Variants in PCP4 observed in about 807,000 individuals in gnomAD.
PCP4 encodes the protein calmodulin regulator protein PCP4.
Under a neutral mutation model 10.0 loss-of-function variants are expected in PCP4, and 8 were observed. The ratio of observed to expected loss-of-function variants is 0.80; its 90% confidence interval spans 0.47 to 1.45. The LOEUF (loss-of-function observed/expected upper bound fraction) is 1.45, where lower values mean the gene tolerates loss of function less well. Ranked by LOEUF, PCP4 falls within the 40% of genes most tolerant of loss-of-function variation. PCP4 has a pLI of 0.00. For synonymous variants in PCP4, 21 were observed against 23.0 expected (o/e 0.91, Z 0.24); for missense variants, 54 against 74.4 (o/e 0.73, Z 1.01).
At chr21:39,889,776 CA>C (rs2087420881) in intron 1 of PCP4, among the ~76,000 whole-genome samples, 1 of 152,040 alleles carries the variant, frequency 6.6e-6, no homozygotes, top group Non-Finnish European at 1.5e-5. Flanking sequence ...GGCATACATT[CA>C]GAAAAAAATA....
intron 2 of PCP4, among the ~76,000 whole-genome samples, chr21:39,923,194 C>T (rs1409692665): frequency 6.6e-6 from 1 of 152,210 alleles, no homozygotes; most frequent in East Asian, 1.9e-4. Context: ...AAGCCGTAGA[C>T]AAGTCAAATG....
intron 1 of PCP4, among the ~76,000 whole-genome samples, chr21:39,874,687 C>A (rs1438640762): frequency 7.2e-6 from 1 of 138,726 alleles, no homozygotes; most frequent in East Asian, 2.1e-4. Flanking sequence ...AAAAACAATA[C>A]AAGCATCTGT....
rs79326068 is a variant in PCP4, at chr21:39,929,159, C to G, written c.*48C>G. 2 of 1,570,612 alleles carry G rather than the reference C, an allele frequency of 1.3e-6. No homozygotes were observed. The highest frequency in any genetic ancestry group is 1.7e-6 in the Non-Finnish European group (2 of 1,154,868). Reference sequence around the variant, plus strand: ...ACCTGAAAACACCAAATTCAACCATCATCTGTCAAGAAATTAAAAGAACAA... The same window carrying G: ...ACCTGAAAACACCAAATTCAACCATGATCTGTCAAGAAATTAAAAGAACAA... On this transcript the variant is annotated 3_prime_UTR_variant, in exon 3 of 3. Coordinates refer to ENST00000328619, the MANE Select transcript of PCP4 (RefSeq NM_006198.3).
intron 2 of PCP4, among the ~76,000 whole-genome samples, chr21:39,911,645 G>A (rs552794644): frequency 6.6e-6 from 1 of 152,360 alleles, no homozygotes; most frequent in East Asian, 1.9e-4. Flanking sequence ...TCAGCCAGAG[G>A]TTGCCGGGAT....
In PCP4 at chr21:39,878,267, G is replaced by A. The variant is rs147348423; in HGVS notation, c.9+10757G>A. 2.4e-3 allele frequency among the ~76,000 whole-genome samples: 368 copies of A among 152,266 alleles called. 1 individual carries two copies. Among genetic ancestry groups the A allele is most frequent in the African/African-American group, 8.1e-3 (337 of 41,554 alleles). On this transcript the variant is annotated intron_variant, in intron 1 of 2. Transcript: ENST00000328619. Reference sequence around the variant, plus strand: ...AAGGAGAGGAAAGAAGATGCTAATGGGTAACCTTCCCAAAGCAGCCGGGGC... The same window carrying A: ...AAGGAGAGGAAAGAAGATGCTAATGAGTAACCTTCCCAAAGCAGCCGGGGC...
At chr21:39,902,722 A>T (rs1446167984) in intron 2 of PCP4, among the ~76,000 whole-genome samples, 3 of 152,178 alleles carry the variant, frequency 2.0e-5, no homozygotes, top group Non-Finnish European at 4.4e-5. Context: ...CAGAAATATT[A>T]GGGTTATAAT....
chr21:39,928,468 G>A (rs2087635517), intron 2 of PCP4, among the ~76,000 whole-genome samples: 2 of 152,162 alleles, frequency 1.3e-5, no homozygotes, highest in Admixed American at 1.3e-4. Flanking sequence ...AACTGTGAAG[G>A]TCAAATGGTG....
chr21:39,885,567 A>G (rs891902319), intron 1 of PCP4, among the ~76,000 whole-genome samples: 2 of 152,210 alleles, frequency 1.3e-5, no homozygotes, highest in African/African-American at 2.4e-5. Context: ...TCCTACCTCC[A>G]TGTGGTTTGG....
rs1025316819 is a variant in PCP4 at position 39,902,812 on chromosome 21, A to G, written c.61+4285A>G. On this transcript the variant is annotated intron_variant, in intron 2 of 2. Transcript: ENST00000328619. ...ATTCCTCTATGAGCAAAGCACCTTC[A>G]TCATTTGATTAGTTAAGCCACAGAT... 1.6e-4 allele frequency among the ~76,000 whole-genome samples: 24 copies of G among 152,300 alleles called. 2 individuals carry two copies. Among genetic ancestry groups the G allele is most frequent in the Admixed American group, 9.8e-4 (15 of 15,288 alleles).
At chr21:39,876,557 T>G (rs1385676294) in intron 1 of PCP4, among the ~76,000 whole-genome samples, 3 of 152,174 alleles carry the variant, frequency 2.0e-5, no homozygotes, top group African/African-American at 4.8e-5. Flanking sequence ...AGGTATCACA[T>G]GATGATATTC....
chr21:39,905,063 C>T (rs116308228), intron 2 of PCP4, among the ~76,000 whole-genome samples: 1,932 of 152,242 alleles, frequency 0.013, 44 homozygotes, highest in African/African-American at 0.043. Flanking sequence ...ATCTGTTTCC[C>T]GCTAGGGCAA....
At chr21:39,910,415 A>G (rs774415341) in intron 2 of PCP4, among the ~76,000 whole-genome samples, 31 of 152,126 alleles carry the variant, frequency 2.0e-4, no homozygotes, top group Non-Finnish European at 3.7e-4. Flanking sequence ...ACACAAACAT[A>G]AAGCTTTTGG....
chr21:39,902,037 T>C (rs1346275535), intron 2 of PCP4, among the ~76,000 whole-genome samples: 1 of 152,226 alleles, frequency 6.6e-6, no homozygotes, highest in Non-Finnish European at 1.5e-5. Context: ...TAACCTAGTA[T>C]TACATTCCAT....
intron 2 of PCP4, chr21:39,926,232 T>C (rs1204462724): frequency 3.3e-6 from 1 of 305,396 alleles, no homozygotes; most frequent in Admixed American, 4.2e-5. Flanking sequence ...ATTTTTCAAA[T>C]GAGGAATCAA....
intron 1 of PCP4, among the ~76,000 whole-genome samples, chr21:39,874,282 A>G (rs2087333882): frequency 6.6e-6 from 1 of 152,216 alleles, no homozygotes; most frequent in Admixed American, 6.5e-5. Context: ...GTCTCCAGCC[A>G]TACACGAGTC....
intron 1 of PCP4, among the ~76,000 whole-genome samples, chr21:39,889,639 A>G (rs770507116): frequency 1.3e-5 from 2 of 151,696 alleles, no homozygotes; most frequent in African/African-American, 2.4e-5. Flanking sequence ...GATGGTCTCT[A>G]TCTCCTGACC....
Position 39,918,401 on chromosome 21 carries a change from C to T in PCP4, c.62-10583C>T, listed in dbSNP as rs773257558. ...AACAGAATAATAGGAAATAGATGAC[C>T]GAGAGGCGCTCAGAGTAAACTCTTA... On this transcript the variant is annotated intron_variant, in intron 2 of 2. Coordinates refer to ENST00000328619, the MANE Select transcript of PCP4 (RefSeq NM_006198.3). Among the ~76,000 whole-genome samples the T allele has an allele frequency of 3.9e-5, 6 of 151,942 alleles. No homozygotes were observed. In the East Asian group the frequency reaches 5.8e-4, roughly 15 times the overall value.
intron 2 of PCP4, among the ~76,000 whole-genome samples, chr21:39,917,951 A>G (rs1399188961): frequency 6.6e-6 from 1 of 152,148 alleles, no homozygotes; most frequent in Non-Finnish European, 1.5e-5. Context: ...ATGAGGACAC[A>G]GACATTCACA....
At chr21:39,884,171 T>C (rs2087389009) in intron 1 of PCP4, among the ~76,000 whole-genome samples, 1 of 151,992 alleles carries the variant, frequency 6.6e-6, no homozygotes. Flanking sequence ...TTTTGACATA[T>C]GCAGTCTTTT....
Sources: allele counts gnomAD v4.1 joint callset (sites outside exome capture counted in the v4.1 genomes callset), GRCh38; gene constraint gnomAD v4.1.1; transcripts MANE v1.5; gene names NCBI Gene and HGNC (gene_info 2026-07-23, HGNC 2026-07-21).